Variants in SLC9C1 observed in about 807,000 individuals in gnomAD.
The protein encoded by SLC9C1 is solute carrier family 9 member C1.
A neutral mutation model predicts 140.9 loss-of-function variants in SLC9C1; 97 were observed. The ratio of observed to expected loss-of-function variants is 0.69; its 90% CI spans 0.58 to 0.82. The LOEUF is 0.82. SLC9C1 is among the 40% of genes least tolerant of loss of function. SLC9C1 has a pLI of 0.00. For synonymous variants in SLC9C1, 440 were observed against 442.6 expected (o/e 0.99, Z 0.07); for missense variants, 1,340 against 1,389.3 (o/e 0.96, Z 0.56).
At position 112,219,635 on chromosome 3, in the gene SLC9C1, G is replaced by A. The variant is rs369372078; in HGVS notation, c.1670+1493C>T. 3.9e-5 allele frequency among the ~76,000 whole-genome samples: 6 copies of A among 152,248 alleles called. No individual in the cohort carries two copies. In the East Asian group the frequency reaches 5.8e-4, roughly 15 times the overall value. ...GCTCTGTCCCCCAGGCTGGAGTGCA[G>A]TGGCACAATCTCAGCTCACTGCAAC... On this transcript the variant is annotated intron_variant, in intron 14 of 28. Transcript: ENST00000305815.
At chr3:112,273,566 G>A (rs754150935) in intron 6 of SLC9C1, among the ~76,000 whole-genome samples, 1 of 152,144 alleles carries the variant, frequency 6.6e-6, no homozygotes, top group Non-Finnish European at 1.5e-5. Context: ...TGAGGGAGGG[G>A]TGAGGGGGTG....
intron 8 of SLC9C1, among the ~76,000 whole-genome samples, chr3:112,265,597 A>T (rs1432454045): frequency 9.9e-5 from 15 of 152,124 alleles, no homozygotes; most frequent in Admixed American, 7.2e-4. Context: ...GGTTCAGGTC[A>T]AGTTTCCACC....
chr3:112,217,410 T>C (rs750136338), intron 15 of SLC9C1, 32 bp downstream of exon 15: 2 of 1,552,134 alleles, frequency 1.3e-6, no homozygotes, highest in African/African-American at 1.4e-5. Flanking sequence ...GTGAATATAA[T>C]AGCATTTCTT....
chr3:112,290,574 T>C (rs2080649974), intron 1 of SLC9C1, among the ~76,000 whole-genome samples: 1 of 152,192 alleles, frequency 6.6e-6, no homozygotes, highest in Non-Finnish European at 1.5e-5. Flanking sequence ...CAGGTTCATT[T>C]GAGCCTGCTG....
intron 28 of SLC9C1, among the ~76,000 whole-genome samples, chr3:112,146,314 C>G (rs62280205): frequency 6.6e-6 from 1 of 151,418 alleles, no homozygotes; most frequent in African/African-American, 2.4e-5. Context: ...TAATTTTGTT[C>G]AGTTCTTTTC....
intron 2 of SLC9C1, among the ~76,000 whole-genome samples, chr3:112,284,152 C>A (rs1157831537): frequency 1.3e-5 from 2 of 152,118 alleles, no homozygotes; most frequent in African/African-American, 4.8e-5. Context: ...AGGTTGAGAC[C>A]CAGACCTGCA....
At chr3:112,201,587 A>G in intron 18 of SLC9C1, among the ~76,000 whole-genome samples, 1 of 152,040 alleles carries the variant, frequency 6.6e-6, no homozygotes, top group East Asian at 1.9e-4. Flanking sequence ...TTATGGGCAC[A>G]TATCGGTTTT....
At chr3:112,156,430 C>T in intron 26 of SLC9C1, among the ~76,000 whole-genome samples, 1 of 152,126 alleles carries the variant, frequency 6.6e-6, no homozygotes, top group Admixed American at 6.5e-5. Context: ...TTGATGAACA[C>T]TTATGTTGAT....
At chr3:112,167,408 C>T in intron 25 of SLC9C1, 61 bp from the exon 26 acceptor site, 1 of 1,486,170 alleles carries the variant, frequency 6.7e-7, no homozygotes, top group Non-Finnish European at 8.9e-7. Context: ...AAAAATTTAC[C>T]TAGTAAGCTG....
chr3:112,253,147 C>T (rs1331604161), intron 10 of SLC9C1, among the ~76,000 whole-genome samples: 1 of 152,188 alleles, frequency 6.6e-6, no homozygotes, highest in African/African-American at 2.4e-5. Context: ...ATCCCGCATT[C>T]TGGACAATTG....
chr3:112,164,971 C>T (rs181885941), intron 26 of SLC9C1, among the ~76,000 whole-genome samples: 2 of 152,144 alleles, frequency 1.3e-5, no homozygotes, highest in African/African-American at 4.8e-5. Flanking sequence ...TTATTCATTT[C>T]TTTTTATTCT....
Position 112,262,896 on chromosome 3 carries a change from TCAGATAAGAAAATA to T in SLC9C1, c.1197+14_1197+27del. 1 of 1,524,566 alleles carries T rather than the reference TCAGATAAGAAAATA, an allele frequency of 6.6e-7. No individual in the cohort carries two copies. Among genetic ancestry groups the T allele is most frequent in the Non-Finnish European group, 8.8e-7 (1 of 1,141,852 alleles). The allele number at this position is 1,524,566 out of a possible 1,614,324, so 94.4% of individuals were successfully genotyped here. On this transcript the variant is annotated intron_variant, in intron 10 of 28. Coordinates refer to ENST00000305815, the MANE Select transcript of SLC9C1 (RefSeq NM_183061.3). The stretch of plus-strand genomic sequence containing the variant: ...ACACAGTAATAGTTTTATACAATAT[TCAGATAAGAAAATA>T]CAGCTTTCTTTACTTGAGATTTTTC...
At chr3:112,217,598 C>A in intron 14 of SLC9C1, 37 bp from the exon 15 acceptor site, 1 of 1,530,246 alleles carries the variant, frequency 6.5e-7, no homozygotes. Context: ...ATGCTTTAAA[C>A]ATTTTGAGAT....
rs2077344085 is a variant in SLC9C1 at position 112,176,751 on chromosome 3, C to T, written c.2919+2780G>A. ...GGTTTTACAATTTGCTTGAGTGAAT[C>T]AGTAGAAAACCTCAGGTATCTAAGA... On this transcript the variant is annotated intron_variant, in intron 23 of 28. Transcript: ENST00000305815. Among the ~76,000 whole-genome samples the T allele has an allele frequency of 2.0e-5, 3 of 152,154 alleles. No homozygotes were observed. The South Asian group carries it at 6.2e-4, about 32-fold the overall frequency.
intron 13 of SLC9C1, among the ~76,000 whole-genome samples, chr3:112,227,462 T>C (rs1342535214): frequency 6.6e-6 from 1 of 152,012 alleles, no homozygotes; most frequent in Non-Finnish European, 1.5e-5. Flanking sequence ...ACGTAAGACA[T>C]CACATTAACA....
intron 20 of SLC9C1, chr3:112,185,612 C>T (rs1371558631): frequency 6.3e-7 from 1 of 1,593,044 alleles, no homozygotes; most frequent in Non-Finnish European, 8.6e-7. Flanking sequence ...AGCCCTCTCT[C>T]CCAAGGGGCA....
Position 112,169,159 on chromosome 3 carries a change from CAAAGAAAGAAAGACAAGTTTATACAAGCA to C in SLC9C1, c.3051+9_3051+37del, listed in dbSNP as rs1560024821. 5 of 1,599,060 alleles carry C rather than the reference CAAAGAAAGAAAGACAAGTTTATACAAGCA, an allele frequency of 3.1e-6. No homozygotes were observed. The highest frequency in any genetic ancestry group is 3.4e-6 in the Non-Finnish European group (4 of 1,173,508). Reference sequence around the variant, plus strand: ...TATAATGTTTTAATGCCATTCCATTCAAAGAAAGAAAGACAAGTTTATACAAGCACTTCCTACCTCATAAGATAAGTGTT... The same window carrying C: ...TATAATGTTTTAATGCCATTCCATTCCTTCCTACCTCATAAGATAAGTGTT... On this transcript the variant is annotated intron_variant, in intron 24 of 28. Transcript: ENST00000305815.
rs1363651375 is a variant in SLC9C1 at position 112,151,869 on chromosome 3, A to C, written c.3512T>G (p.Leu1171Arg). ...FNCKESPRIN[L>R]RKVRKE ...CAGAGTGGCTTACCTGACTTTCCTT[A>C]GGTTTATTCTAGGGGACTCCTTACA... The change falls in exon 28 of 29, where the codon CTA becomes CGA. Residue 1171 changes from leucine to arginine, a missense_variant. By Grantham distance (102) the Leu-to-Arg change is moderately radical. Coordinates refer to ENST00000305815, the MANE Select transcript of SLC9C1 (RefSeq NM_183061.3). 6.2e-7 allele frequency: 1 copy of C among 1,612,534 alleles called. No individual in the cohort carries two copies.
intron 20 of SLC9C1, chr3:112,185,620 G>A (rs1413104879): frequency 1.8e-5 from 28 of 1,585,078 alleles, no homozygotes; most frequent in Non-Finnish European, 2.3e-5. Context: ...CTCCCAAGGG[G>A]CAGGCTCCTG....
Sources: allele counts gnomAD v4.1 joint callset (sites outside exome capture counted in the v4.1 genomes callset), GRCh38; gene constraint gnomAD v4.1.1; transcripts MANE v1.5; gene names NCBI Gene and HGNC (gene_info 2026-07-23, HGNC 2026-07-21).